KIF3B: variants seen among roughly 807,000 people sequenced by gnomAD.
The protein encoded by KIF3B is kinesin family member 3B.
In KIF3B, 38 loss-of-function variants were observed where a neutral mutation model predicts 74.3. The ratio of observed to expected loss-of-function variants is 0.51; its 90% CI spans 0.39 to 0.67. The LOEUF is 0.67. KIF3B is among the 30% of genes least tolerant of loss of function. The pLI is 0.00. For missense variants in KIF3B, 649 were observed against 932.0 expected, an observed-to-expected ratio of 0.70 and a Z score of 3.95; for synonymous variants, 326 against 342.5, an observed-to-expected ratio of 0.95 and a Z score of 0.53.
At chr20:32,330,075 C>G (rs540957492) in intron 7 of KIF3B, 66 bp from the exon 8 acceptor site, 1 of 1,432,078 alleles carries the variant, frequency 7.0e-7, no homozygotes, top group Non-Finnish European at 9.4e-7. Context: ...GAGGGGCCCT[C>G]GATTGCTTGT....
chr20:32,314,337 C>G (rs2047816553), intron 2 of KIF3B, among the ~76,000 whole-genome samples: 1 of 152,110 alleles, frequency 6.6e-6, no homozygotes, highest in African/African-American at 2.4e-5. Context: ...GTCAGGAGTT[C>G]AAGGCCAGCC....
At chr20:32,283,187 C>G (rs2122652867) in intron 1 of KIF3B, among the ~76,000 whole-genome samples, 1 of 152,114 alleles carries the variant, frequency 6.6e-6, no homozygotes, top group Admixed American at 6.5e-5. Context: ...CAGGCATGTA[C>G]TGTCGTGCCT....
intron 1 of KIF3B, among the ~76,000 whole-genome samples, chr20:32,307,936 AG>A (rs2047780114): frequency 6.7e-6 from 1 of 148,692 alleles, no homozygotes; most frequent in Non-Finnish European, 1.5e-5. Context: ...AAAAAAAAAA[AG>A]GAAAATAAAA....
intron 1 of KIF3B, among the ~76,000 whole-genome samples, chr20:32,292,409 A>G (rs2047696141): frequency 6.6e-6 from 1 of 151,870 alleles, no homozygotes; most frequent in Non-Finnish European, 1.5e-5. Flanking sequence ...CAGCCTGTGC[A>G]ACAAAGCAAG....
chr20:32,320,674 C>A (rs1205558476), intron 5 of KIF3B, among the ~76,000 whole-genome samples: 1 of 151,816 alleles, frequency 6.6e-6, no homozygotes, highest in Non-Finnish European at 1.5e-5. Context: ...TGCTAGCACA[C>A]CTGGCTAATT....
At chr20:32,323,679 C>T (rs1409799447) in intron 5 of KIF3B, among the ~76,000 whole-genome samples, 1 of 151,864 alleles carries the variant, frequency 6.6e-6, no homozygotes, top group Non-Finnish European at 1.5e-5. Context: ...GAGTTCAAGA[C>T]CAGCCTGGCC....
intron 2 of KIF3B, 149 bp downstream of exon 2, chr20:32,311,330 C>A: frequency 1.3e-6 from 1 of 780,300 alleles, no homozygotes; most frequent in Non-Finnish European, 2.0e-6. Context: ...ACTCAGTAAA[C>A]CTCTGTTTAA....
intron 7 of KIF3B, among the ~76,000 whole-genome samples, chr20:32,328,667 A>G (rs964652224): frequency 6.6e-6 from 1 of 151,852 alleles, no homozygotes; most frequent in South Asian, 2.1e-4. Context: ...CCTGTCTGTC[A>G]TGGCCAGTAA....
Position 32,334,780 on chromosome 20 carries a change from G to A in KIF3B, c.*3461G>A, listed in dbSNP as rs2047947572. On this transcript the variant is annotated 3_prime_UTR_variant, in exon 9 of 9. Transcript: ENST00000375712. ...ATGCTTCTGGGGTTATTTATGAAAG[G>A]AGTGATCCTGGGGCAGGCAGGAGGC... 1 of 152,240 alleles carries A rather than the reference G, an allele frequency of 6.6e-6. No homozygotes were observed. 9.4% of individuals were successfully genotyped at this position (152,240 alleles called of 1,614,324 possible).
At chr20:32,326,132 A>T (rs938238039) in intron 5 of KIF3B, among the ~76,000 whole-genome samples, 5 of 152,162 alleles carry the variant, frequency 3.3e-5, no homozygotes, top group Non-Finnish European at 7.4e-5. Flanking sequence ...AATGGGAGAC[A>T]GTCATCACCA....
chr20:32,321,747 G>C (rs2047860840), intron 5 of KIF3B, among the ~76,000 whole-genome samples: 1 of 152,078 alleles, frequency 6.6e-6, no homozygotes. Context: ...CCTGCATAAA[G>C]CAAGTCTGTT....
At position 32,309,746 on chromosome 20, in the gene KIF3B, C is replaced by G. The variant is rs755397198; in HGVS notation, c.-32C>G. On this transcript the variant is annotated 5_prime_UTR_variant, in exon 2 of 9. Coordinates refer to ENST00000375712, the MANE Select transcript of KIF3B (RefSeq NM_004798.4). Reference sequence around the variant, plus strand: ...CATCCTGAGACATTTTGAATTGACACTTCTCAAGATTTGACTGGATCAGAG... The same window carrying G: ...CATCCTGAGACATTTTGAATTGACAGTTCTCAAGATTTGACTGGATCAGAG... 6.3e-7 allele frequency: 1 copy of G among 1,586,860 alleles called. No individual in the cohort carries two copies. Among genetic ancestry groups the G allele is most frequent in the South Asian group, 1.2e-5 (1 of 86,594 alleles).
At position 32,331,607 on chromosome 20, in the gene KIF3B, T is replaced by C. The variant is rs2047930617; in HGVS notation, c.*288T>C. 5.0e-6 allele frequency: 2 copies of C among 402,844 alleles called. No homozygotes were observed. Among genetic ancestry groups the C allele is most frequent in the Non-Finnish European group, 8.8e-6 (2 of 226,844 alleles). 25.0% of individuals were successfully genotyped at this position (402,844 alleles called of 1,614,324 possible). On this transcript the variant is annotated 3_prime_UTR_variant, in exon 9 of 9. Transcript: ENST00000375712. The stretch of plus-strand genomic sequence containing the variant: ...GAGAATGACCAGTGACCTTGCTTCC[T>C]TCCCCCTTGCCTTCTTCTCCCCCTT...
intron 1 of KIF3B, among the ~76,000 whole-genome samples, chr20:32,283,661 T>G (rs902422860): frequency 2.0e-5 from 3 of 150,894 alleles, no homozygotes; most frequent in African/African-American, 7.3e-5. Flanking sequence ...AATACAAAAA[T>G]TAGTCGGGTG....
chr20:32,325,936 G>A (rs1233003583), intron 5 of KIF3B, among the ~76,000 whole-genome samples: 1 of 151,642 alleles, frequency 6.6e-6, no homozygotes, highest in Non-Finnish European at 1.5e-5. Flanking sequence ...CAAAGTGTTA[G>A]GATTACAGAC....
chr20:32,296,827 C>G (rs2047719480), intron 1 of KIF3B, among the ~76,000 whole-genome samples: 1 of 151,938 alleles, frequency 6.6e-6, no homozygotes, highest in Non-Finnish European at 1.5e-5. Flanking sequence ...TTTTTCAACC[C>G]AAGATGGATA....
rs1271177084 is a variant in KIF3B at position 32,334,823 on chromosome 20, C to T, written c.*3504C>T. On this transcript the variant is annotated 3_prime_UTR_variant, in exon 9 of 9. Coordinates refer to ENST00000375712, the MANE Select transcript of KIF3B (RefSeq NM_004798.4). ...CAGGAGGCAGTGGGCTTCATGGCTC[C>T]TTGAAGTTATTACTGATCTTGACCT... is the stretch of plus-strand genomic sequence containing the variant. 1 of 152,376 alleles carries T rather than the reference C, an allele frequency of 6.6e-6. No homozygotes were observed. The highest frequency in any genetic ancestry group is 1.5e-5 in the Non-Finnish European group (1 of 68,028). The allele number at this position is 152,376 out of a possible 1,614,324, so 9.4% of individuals were successfully genotyped here. A position where few individuals can be genotyped will look rare whatever the true frequency, so the allele number is the denominator to read the frequency against.
chr20:32,324,986 G>A (rs2047895539), intron 5 of KIF3B, among the ~76,000 whole-genome samples: 1 of 152,092 alleles, frequency 6.6e-6, no homozygotes, highest in African/African-American at 2.4e-5. Context: ...GGCTGAGATT[G>A]CGCCACTTTA....
intron 1 of KIF3B, among the ~76,000 whole-genome samples, chr20:32,307,105 A>G (rs1569198720): frequency 1.3e-5 from 2 of 152,172 alleles, no homozygotes. Flanking sequence ...AAATAAGCGG[A>G]AGGTACACAG....
Sources: allele counts gnomAD v4.1 joint callset (sites outside exome capture counted in the v4.1 genomes callset), GRCh38; gene constraint gnomAD v4.1.1; transcripts MANE v1.5; gene names NCBI Gene and HGNC (gene_info 2026-07-23, HGNC 2026-07-21).